Variants in WBP2NL observed in about 807,000 individuals in gnomAD.
The protein encoded by WBP2NL is postacrosomal sheath WW domain-binding protein.
In WBP2NL, 27 loss-of-function variants were observed where a neutral mutation model predicts 23.3. The observed-to-expected ratio is 1.16, with a 90% CI of 0.85 to 1.60. The LOEUF (loss-of-function observed/expected upper bound fraction) is 1.60, where lower values mean the gene tolerates loss of function less well. WBP2NL is among the 40% of genes most tolerant of loss of function. WBP2NL has a pLI of 0.00. For missense variants in WBP2NL, 370 were observed against 389.5 expected (o/e 0.95, Z 0.42); for synonymous variants, 151 against 145.9 (o/e 1.03, Z -0.25).
intron 8 of WBP2NL, among the ~76,000 whole-genome samples, chr22:42,049,489 GA>G (rs745430461): frequency 2.0e-5 from 3 of 151,982 alleles, no homozygotes; most frequent in Non-Finnish European, 2.9e-5. Flanking sequence ...AGGAGATTGA[GA>G]CCATCCTGGC....
intron 5 of WBP2NL, among the ~76,000 whole-genome samples, chr22:42,022,794 G>T (rs959942683): frequency 3.9e-5 from 6 of 152,178 alleles, no homozygotes; most frequent in Non-Finnish European, 8.8e-5. Context: ...GGGGTTTCTG[G>T]AAAGTAATTC....
intron 1 of WBP2NL, among the ~76,000 whole-genome samples, chr22:42,010,836 C>T (rs954993725): frequency 1.3e-5 from 2 of 152,188 alleles, no homozygotes; most frequent in Non-Finnish European, 2.9e-5. Flanking sequence ...CCACGCCTGG[C>T]CAAAAATATA....
intron 8 of WBP2NL, among the ~76,000 whole-genome samples, chr22:42,042,320 A>T (rs1051149419): frequency 2.0e-5 from 3 of 152,194 alleles, no homozygotes; most frequent in Non-Finnish European, 4.4e-5. Flanking sequence ...ATAGTGTCTC[A>T]TAAATCCTAT....
At position 42,022,333 on chromosome 22, in the gene WBP2NL, G is replaced by C. The variant is rs762771401; in HGVS notation, c.491G>C (p.Cys164Ser). The C allele has an allele frequency of 1.2e-6, 2 of 1,613,770 alleles. No individual in the cohort carries two copies. The highest frequency in any genetic ancestry group is 3.3e-5 in the Admixed American group (2 of 59,956). The change falls in exon 5 of 6, where the codon TGC becomes TCC. Residue 164 changes from cysteine to serine, a missense_variant. Physicochemically the swap from Cys to Ser is moderately radical, Grantham distance 112. Transcript: ENST00000328823. ...GTAATTACTGGGGAAGGGAATATGT[G>C]CACTCCACAGATGCCTTGTTCAGGT... ...IYVITGEGNM[C>S]TPQMPCSVIV...
chr22:42,024,123 A>C (rs181534400), intron 5 of WBP2NL, among the ~76,000 whole-genome samples: 1 of 152,306 alleles, frequency 6.6e-6, no homozygotes, highest in East Asian at 1.9e-4. Flanking sequence ...ATCTCACTCA[A>C]GATAACGTTT....
At chr22:42,019,539 A>T in intron 2 of WBP2NL, 120 bp downstream of exon 2, 1 of 1,522,168 alleles carries the variant, frequency 6.6e-7, no homozygotes. Flanking sequence ...GATTTTCCAC[A>T]CTGAAGGGTG....
At chr22:42,038,742 A>G (rs974946101) in intron 8 of WBP2NL, among the ~76,000 whole-genome samples, 5 of 151,586 alleles carry the variant, frequency 3.3e-5, no homozygotes, top group African/African-American at 1.2e-4. Context: ...AGCTGGGACT[A>G]CAGGCACCTG....
intron 1 of WBP2NL, among the ~76,000 whole-genome samples, chr22:42,018,383 TGGAAGGAAAGAAG>T (rs1167418580): frequency 1.3e-5 from 1 of 78,820 alleles, no homozygotes; most frequent in South Asian, 3.8e-4. Context: ...AAGAAGGAAA[TGGAAGGAAAGAAG>T]GGAAGGGAAG....
chr22:42,036,871 T>G (rs1377120597), downstream of WBP2NL, among the ~76,000 whole-genome samples: 1 of 152,200 alleles, frequency 6.6e-6, no homozygotes, highest in Non-Finnish European at 1.5e-5. Context: ...ATTTTCCCAT[T>G]CTGTAGGTTG....
At chr22:42,053,949 A>G (rs2146826550) in intron 8 of WBP2NL, among the ~76,000 whole-genome samples, 1 of 151,942 alleles carries the variant, frequency 6.6e-6, no homozygotes, top group South Asian at 2.1e-4. Flanking sequence ...TTGTCTTTTA[A>G]CTTTGTTTAT....
At chr22:42,041,898 T>A (rs1925412041) in intron 8 of WBP2NL, among the ~76,000 whole-genome samples, 1 of 152,230 alleles carries the variant, frequency 6.6e-6, no homozygotes, top group Non-Finnish European at 1.5e-5. Context: ...AGTTTTTGTT[T>A]ATGTGGGAAA....
chr22:42,023,556 G>A (rs1431480404), intron 5 of WBP2NL, among the ~76,000 whole-genome samples: 2 of 151,824 alleles, frequency 1.3e-5, no homozygotes, highest in Non-Finnish European at 2.9e-5. Flanking sequence ...AGGCTGGAGT[G>A]CAGTGGCGCG....
chr22:42,042,721 C>G (rs1000609928), intron 8 of WBP2NL, among the ~76,000 whole-genome samples: 2 of 152,098 alleles, frequency 1.3e-5, no homozygotes, highest in Non-Finnish European at 2.9e-5. Flanking sequence ...TTCCCTGATT[C>G]CTTGTGATCC....
intron 1 of WBP2NL, among the ~76,000 whole-genome samples, chr22:42,008,126 C>G (rs145404615): frequency 5.4e-4 from 61 of 113,350 alleles, no homozygotes; most frequent in African/African-American, 1.8e-3. Flanking sequence ...CCTTTGCTTT[C>G]CTTTCCTTTC....
chr22:42,021,181 A>C (rs1249402410), intron 4 of WBP2NL, among the ~76,000 whole-genome samples: 1 of 151,708 alleles, frequency 6.6e-6, no homozygotes, highest in Non-Finnish European at 1.5e-5. Context: ...CAGCCTCCCA[A>C]AGTGCTGGGA....
chr22:42,023,536 T>G (rs1018771947), intron 5 of WBP2NL, among the ~76,000 whole-genome samples: 1 of 151,970 alleles, frequency 6.6e-6, no homozygotes, highest in Non-Finnish European at 1.5e-5. Context: ...GGAGTCTTGC[T>G]CTGTCGCCCA....
intron 1 of WBP2NL, among the ~76,000 whole-genome samples, chr22:42,006,621 A>G (rs188847650): frequency 1.3e-5 from 2 of 152,318 alleles, no homozygotes; most frequent in African/African-American, 2.4e-5. Context: ...GCATGATTAC[A>G]TTTCCAGGAC....
chr22:42,039,798 C>A (rs1363816010), intron 8 of WBP2NL, among the ~76,000 whole-genome samples: 1 of 151,430 alleles, frequency 6.6e-6, no homozygotes, highest in African/African-American at 2.4e-5. Context: ...TTAGTTTTTT[C>A]TATTCTCTAT....
intron 1 of WBP2NL, among the ~76,000 whole-genome samples, chr22:42,000,050 C>T (rs1363807492): frequency 6.6e-6 from 1 of 152,184 alleles, no homozygotes; most frequent in Non-Finnish European, 1.5e-5. Context: ...TTCTAAATTG[C>T]GCTCCTTTCT....
Sources: allele counts gnomAD v4.1 joint callset (sites outside exome capture counted in the v4.1 genomes callset), GRCh38; gene constraint gnomAD v4.1.1; transcripts MANE v1.5; gene names NCBI Gene and HGNC (gene_info 2026-07-23, HGNC 2026-07-21).